Variants in GRID2 observed in about 807,000 individuals in gnomAD.
The protein encoded by GRID2 is glutamate ionotropic receptor delta type subunit 2, also known as glutamate receptor ionotropic, delta-2.
Under a neutral mutation model 114.8 loss-of-function variants are expected in GRID2, and 33 were observed. The ratio of observed to expected loss-of-function variants is 0.29; its 90% CI spans 0.22 to 0.38. GRID2 has a LOEUF of 0.38. Ranked by LOEUF, GRID2 falls within the 10% of genes least tolerant of loss-of-function variation. The probability of loss-of-function intolerance (pLI) is 1.00; values close to 1 mark genes in which losing one functional copy is unlikely to be tolerated. For synonymous variants in GRID2, 505 were observed against 449.9 expected (o/e 1.12, Z -1.55); for missense variants, 1,184 against 1,257.7 (o/e 0.94, Z 0.89).
chr4:92,611,124 GTGTGTGCATGTGTGTGTGTGCA>G (rs1249379077), intron 2 of GRID2, among the ~76,000 whole-genome samples: 1 of 139,090 alleles, frequency 7.2e-6, no homozygotes, highest in Non-Finnish European at 1.6e-5. Flanking sequence ...GTATGTGTGT[GTGTGTGCATGTGTGTGTGTGCA>G]TGTGTGTGTG....
At chr4:93,298,921 G>T (rs1346932340) in intron 8 of GRID2, among the ~76,000 whole-genome samples, 1 of 152,162 alleles carries the variant, frequency 6.6e-6, no homozygotes, top group Non-Finnish European at 1.5e-5. Context: ...TGTCAGTTGG[G>T]ACTCATTAGT....
At chr4:93,340,007 T>G (rs1759486622) in intron 8 of GRID2, among the ~76,000 whole-genome samples, 1 of 152,160 alleles carries the variant, frequency 6.6e-6, no homozygotes, top group South Asian at 2.1e-4. Context: ...GGATTATGGG[T>G]ATTATGGGGA....
chr4:92,678,045 C>T (rs1733464394), intron 2 of GRID2, among the ~76,000 whole-genome samples: 1 of 152,084 alleles, frequency 6.6e-6, no homozygotes, highest in Non-Finnish European at 1.5e-5. Context: ...GGGCTTTGCA[C>T]TCATTATGTC....
intron 3 of GRID2, among the ~76,000 whole-genome samples, chr4:93,091,201 T>C (rs1446542157): frequency 1.3e-5 from 2 of 152,138 alleles, no homozygotes; most frequent in African/African-American, 4.8e-5. Context: ...CCTTGTTTTA[T>C]GCCATCAGTT....
intron 2 of GRID2, among the ~76,000 whole-genome samples, chr4:92,635,093 T>G (rs189895643): frequency 6.6e-6 from 1 of 152,126 alleles, no homozygotes; most frequent in Admixed American, 6.6e-5. Flanking sequence ...GAATACTTAA[T>G]TGTCTTGAAC....
At chr4:93,411,446 A>G (rs1767122608) in intron 9 of GRID2, among the ~76,000 whole-genome samples, 1 of 139,924 alleles carries the variant, frequency 7.1e-6, no homozygotes, top group Admixed American at 7.0e-5. Flanking sequence ...TTTTTTTTTG[A>G]GACGGAGTCT....
At chr4:92,324,222 G>A in intron 1 of GRID2, among the ~76,000 whole-genome samples, 1 of 151,916 alleles carries the variant, frequency 6.6e-6, no homozygotes, top group African/African-American at 2.4e-5. Flanking sequence ...GTTTACTCCA[G>A]TTCCAAATCC....
At chr4:93,577,505 T>TCATG (rs1452347282) in intron 13 of GRID2, among the ~76,000 whole-genome samples, 1 of 152,252 alleles carries the variant, frequency 6.6e-6, no homozygotes, top group Non-Finnish European at 1.5e-5. Context: ...AAATACATTG[T>TCATG]CATGCATGTA....
At chr4:92,794,905 T>TATACACACACAC (rs745392261) in intron 2 of GRID2, among the ~76,000 whole-genome samples, 11 of 127,802 alleles carry the variant, frequency 8.6e-5, no homozygotes, top group East Asian at 6.9e-4. Context: ...TATATATATA[T>TATACACACACAC]ACACACACAC....
chr4:93,462,347 T>C (rs943156137), intron 11 of GRID2, among the ~76,000 whole-genome samples: 2 of 152,136 alleles, frequency 1.3e-5, no homozygotes, highest in Admixed American at 6.5e-5. Flanking sequence ...GCCAGAATTA[T>C]TGAAAAGAAT....
chr4:93,511,508 G>A (rs1729178484), intron 12 of GRID2, among the ~76,000 whole-genome samples: 1 of 152,094 alleles, frequency 6.6e-6, no homozygotes, highest in South Asian at 2.1e-4. Flanking sequence ...AAGAAGATAA[G>A]GCTGATTAGA....
intron 2 of GRID2, among the ~76,000 whole-genome samples, chr4:92,819,995 C>T (rs548940179): frequency 1.3e-5 from 2 of 152,178 alleles, no homozygotes; most frequent in East Asian, 1.9e-4. Flanking sequence ...CTACCAATTG[C>T]GTAGTACCAT....
chr4:93,376,171 A>G (rs1453076535), intron 8 of GRID2, among the ~76,000 whole-genome samples: 1 of 152,196 alleles, frequency 6.6e-6, no homozygotes, highest in Non-Finnish European at 1.5e-5. Context: ...ACTGGGGGTT[A>G]GGGCGTCAAC....
chr4:93,603,040 T>C (rs769796730), intron 13 of GRID2, among the ~76,000 whole-genome samples: 1 of 152,068 alleles, frequency 6.6e-6, no homozygotes, highest in Non-Finnish European at 1.5e-5. Context: ...TGAAACCCTG[T>C]CTCTACTAAA....
At chr4:93,468,368 T>TAATAAATA (rs34653547) in intron 11 of GRID2, among the ~76,000 whole-genome samples, 29 of 151,332 alleles carry the variant, frequency 1.9e-4, no homozygotes, top group East Asian at 5.8e-4. Context: ...ATAACAGCCA[T>TAATAAATA]AATAAATAAA....
chr4:93,268,484 A>G (rs1305729256), intron 8 of GRID2, among the ~76,000 whole-genome samples: 1 of 152,222 alleles, frequency 6.6e-6, no homozygotes, highest in Non-Finnish European at 1.5e-5. Context: ...CATTCAGTCC[A>G]TAACAAAAAC....
At chr4:92,699,388 T>G (rs1338536665) in intron 2 of GRID2, among the ~76,000 whole-genome samples, 1 of 152,168 alleles carries the variant, frequency 6.6e-6, no homozygotes, top group African/African-American at 2.4e-5. Context: ...GGCCTATTAG[T>G]CTTGCATCTG....
At chr4:93,768,274 T>C (rs980866803) in intron 14 of GRID2, among the ~76,000 whole-genome samples, 1 of 152,182 alleles carries the variant, frequency 6.6e-6, no homozygotes, top group Non-Finnish European at 1.5e-5. Context: ...CAGAGGACGA[T>C]GCACACTCTG....
In GRID2 at chr4:93,398,749, G is replaced by GT. The variant is rs35307252; in HGVS notation, c.1347+3058dup. ...TTGTGACTGGAGACATGGAAGCAGT[G>GT]TTTTTTTTTTTTTTTTTCAAGTCTT... On this transcript the variant is annotated intron_variant, in intron 9 of 15. Coordinates refer to ENST00000282020, the MANE Select transcript of GRID2 (RefSeq NM_001510.4). 8.7e-3 allele frequency among the ~76,000 whole-genome samples: 1,011 copies of GT among 116,044 alleles called. 4 individuals carry two copies. Among genetic ancestry groups the GT allele is most frequent in the African/African-American group, 0.015 (503 of 33,300 alleles). The allele number at this position is 116,044 out of a possible 152,430, so 76.1% of individuals were successfully genotyped here. A position where few individuals can be genotyped will look rare whatever the true frequency, so the allele number is the denominator to read the frequency against.
Sources: allele counts gnomAD v4.1 joint callset (sites outside exome capture counted in the v4.1 genomes callset), GRCh38; gene constraint gnomAD v4.1.1; transcripts MANE v1.5; gene names NCBI Gene and HGNC (gene_info 2026-07-23, HGNC 2026-07-21).